FBLN5: variants seen among roughly 807,000 people sequenced by gnomAD.
FBLN5 encodes fibulin 5, also known as fibulin-5.
Under a neutral mutation model 61.6 loss-of-function variants are expected in FBLN5, and 24 were observed. The ratio of observed to expected loss-of-function variants is 0.39; its 90% CI spans 0.28 to 0.55. The LOEUF is 0.55. Among genes scored for constraint, FBLN5 ranks in the 20% least tolerant of loss-of-function variants. FBLN5 has a pLI of 0.65. For synonymous variants in FBLN5, 213 were observed against 219.8 expected (o/e 0.97, Z 0.27); for missense variants, 470 against 594.1 (o/e 0.79, Z 2.17).
At chr14:91,918,085 AAGGTAAAGGTGGG>A (rs1226342397) in intron 4 of FBLN5, among the ~76,000 whole-genome samples, 5 of 152,184 alleles carry the variant, frequency 3.3e-5, no homozygotes, top group Admixed American at 6.5e-5. Flanking sequence ...CATCTAGAAT[AAGGTAAAGGTGGG>A]AGGTCAGGGA....
At chr14:91,919,363 A>G (rs1157436625) in intron 4 of FBLN5, among the ~76,000 whole-genome samples, 1 of 124,784 alleles carries the variant, frequency 8.0e-6, no homozygotes, top group Non-Finnish European at 1.6e-5. Context: ...AAAGAAAAGA[A>G]AAGAAAAGAA....
chr14:91,917,954 T>C (rs1891265851), intron 4 of FBLN5, among the ~76,000 whole-genome samples: 4 of 152,162 alleles, frequency 2.6e-5, no homozygotes, highest in Admixed American at 2.6e-4. Context: ...TAAGGTACAA[T>C]GGAATGGGCA....
chr14:91,907,865 C>T (rs1181457746), intron 4 of FBLN5, among the ~76,000 whole-genome samples: 2 of 152,006 alleles, frequency 1.3e-5, no homozygotes, highest in East Asian at 3.9e-4. Context: ...CTAGTCCTAG[C>T]CCCTTGTAGT....
chr14:91,944,674 T>C (rs552919057), intron 1 of FBLN5, among the ~76,000 whole-genome samples: 16 of 152,350 alleles, frequency 1.1e-4, no homozygotes, highest in Non-Finnish European at 2.2e-4. Context: ...GACTGTATTA[T>C]GTTAAGTGAA....
chr14:91,871,922 A>G (rs1237497246), intron 10 of FBLN5, among the ~76,000 whole-genome samples: 1 of 152,116 alleles, frequency 6.6e-6, no homozygotes, highest in African/African-American at 2.4e-5. Flanking sequence ...TCCCTGGACC[A>G]GCAGCATGGG....
At chr14:91,909,430 T>A (rs1215175587) in intron 4 of FBLN5, among the ~76,000 whole-genome samples, 1 of 152,174 alleles carries the variant, frequency 6.6e-6, no homozygotes, top group East Asian at 1.9e-4. Flanking sequence ...ACTGCTATGG[T>A]TTGAATGTGT....
chr14:91,894,709 G>A (rs1410161395), intron 5 of FBLN5, among the ~76,000 whole-genome samples: 1 of 152,200 alleles, frequency 6.6e-6, no homozygotes, highest in Non-Finnish European at 1.5e-5. Flanking sequence ...GGGACAGTAA[G>A]ACTATGTCTC....
At position 91,881,370 on chromosome 14, in the gene FBLN5, G is replaced by A. The variant is rs747580479; in HGVS notation, c.911C>T (p.Thr304Met). 17 of 1,613,718 alleles carry A rather than the reference G, an allele frequency of 1.1e-5. No homozygotes were observed. Among genetic ancestry groups the A allele is most frequent in the Admixed American group, 1.7e-5 (1 of 59,998 alleles). The change falls in exon 9 of 11, where the codon ACG becomes ATG. Residue 304 changes from threonine to methionine, a missense_variant. Transcript: ENST00000342058. Reference protein sequence around the residue: ...HRNHTCNLQQTCYNLQGGFKC... With the variant: ...HRNHTCNLQQMCYNLQGGFKC... ...GAAGCCCCCTTGTAAATTGTAGCAC[G>A]TCTGCTGCAGGTTGCACGTGTGGTT... is the stretch of plus-strand genomic sequence containing the variant.
At chr14:91,927,050 A>G (rs2055841774) in intron 4 of FBLN5, among the ~76,000 whole-genome samples, 1 of 152,294 alleles carries the variant, frequency 6.6e-6, no homozygotes, top group Non-Finnish European at 1.5e-5. Context: ...GCATCATTGA[A>G]TTGCTCACTT....
intron 4 of FBLN5, among the ~76,000 whole-genome samples, chr14:91,913,472 C>T (rs1891046655): frequency 6.6e-6 from 1 of 152,200 alleles, no homozygotes. Context: ...GCCAGTTTTA[C>T]TATCCTCTCA....
intron 2 of FBLN5, 27 bp from the exon 3 acceptor site, chr14:91,940,643 G>A (rs772930687): frequency 3.1e-6 from 5 of 1,609,142 alleles, no homozygotes; most frequent in Non-Finnish European, 4.3e-6. Context: ...AGGAGAAACA[G>A]GCAAGGTCAT....
chr14:91,901,924 A>G (rs1375443185), intron 4 of FBLN5, among the ~76,000 whole-genome samples: 1 of 152,208 alleles, frequency 6.6e-6, no homozygotes, highest in Non-Finnish European at 1.5e-5. Context: ...CAACCTCTCC[A>G]TGGATTCTCT....
At chr14:91,901,264 C>T (rs1324700963) in intron 4 of FBLN5, among the ~76,000 whole-genome samples, 5 of 152,170 alleles carry the variant, frequency 3.3e-5, no homozygotes, top group Non-Finnish European at 7.3e-5. Flanking sequence ...TACCTAACGT[C>T]GGCTGAATAT....
chr14:91,923,412 C>T (rs1377884361), intron 4 of FBLN5, among the ~76,000 whole-genome samples: 2 of 152,214 alleles, frequency 1.3e-5, no homozygotes, highest in Non-Finnish European at 2.9e-5. Context: ...GCCCTGCCCA[C>T]AACATGTGTC....
intron 7 of FBLN5, among the ~76,000 whole-genome samples, chr14:91,883,498 G>C (rs1313735900): frequency 6.6e-6 from 1 of 151,910 alleles, no homozygotes; most frequent in Admixed American, 6.6e-5. Flanking sequence ...TGGCCCTAGA[G>C]GGCCCTCTGA....
chr14:91,926,098 A>G (rs1484211748), intron 4 of FBLN5, among the ~76,000 whole-genome samples: 2 of 152,166 alleles, frequency 1.3e-5, no homozygotes, highest in African/African-American at 2.4e-5. Context: ...GCTGTGGATA[A>G]ACAGTGGAGG....
At chr14:91,926,396 C>A (rs1464791053) in intron 4 of FBLN5, among the ~76,000 whole-genome samples, 7 of 152,176 alleles carry the variant, frequency 4.6e-5, no homozygotes, top group Non-Finnish European at 1.0e-4. Flanking sequence ...GGCCTGGGCA[C>A]CGCGTGGCCT....
At chr14:91,937,540 A>T (rs187028095) in intron 3 of FBLN5, among the ~76,000 whole-genome samples, 66 of 152,268 alleles carry the variant, frequency 4.3e-4, no homozygotes, top group African/African-American at 1.4e-3. Context: ...TTGGATCCTG[A>T]GGGCTGTACT....
chr14:91,934,341 A>G (rs1443065585), intron 4 of FBLN5, among the ~76,000 whole-genome samples: 2 of 152,018 alleles, frequency 1.3e-5, no homozygotes, highest in Non-Finnish European at 2.9e-5. Flanking sequence ...TCGGCCCCTC[A>G]CTTGCTGTGT....
Sources: allele counts gnomAD v4.1 joint callset (sites outside exome capture counted in the v4.1 genomes callset), GRCh38; gene constraint gnomAD v4.1.1; transcripts MANE v1.5; gene names NCBI Gene and HGNC (gene_info 2026-07-23, HGNC 2026-07-21).